The following RHOBTB1 variants were observed in gnomAD, a reference collection of about 807,000 sequenced individuals.
RHOBTB1 encodes the protein rho-related BTB domain-containing protein 1.
In RHOBTB1, 40 loss-of-function variants were observed where a neutral mutation model predicts 71.6. That is an observed-to-expected ratio of 0.56 (90% confidence interval 0.43 to 0.73). The LOEUF is 0.73. Among genes scored for constraint, RHOBTB1 ranks in the 30% least tolerant of loss-of-function variants. RHOBTB1 has a pLI of 0.00. For synonymous variants in RHOBTB1, 319 were observed against 334.9 expected (o/e 0.95, Z 0.52); for missense variants, 797 against 894.0 (o/e 0.89, Z 1.38).
intron 4 of RHOBTB1, 121 bp downstream of exon 4, chr10:60,910,766 T>G: frequency 1.4e-6 from 1 of 707,648 alleles, no homozygotes. Context: ...TTAGACACAG[T>G]GCAGAACCCA....
the RHOBTB1 span, among the ~76,000 whole-genome samples, chr10:60,862,933 T>C: frequency 1.3e-5 from 2 of 149,158 alleles, no homozygotes; most frequent in East Asian, 4.1e-4. Context: ...TCTTTCTTCT[T>C]TTGTCATATG....
At chr10:60,878,646 A>G (rs1003487525) in intron 7 of RHOBTB1, among the ~76,000 whole-genome samples, 3 of 152,278 alleles carry the variant, frequency 2.0e-5, no homozygotes, top group Non-Finnish European at 4.4e-5. Flanking sequence ...ATCAGTTATC[A>G]GTAGATTCGG....
chr10:60,990,710 T>A (rs573952927), intron 1 of RHOBTB1, among the ~76,000 whole-genome samples: 131 of 152,332 alleles, frequency 8.6e-4, no homozygotes, highest in South Asian at 2.5e-3. Flanking sequence ...CATCTTTCAC[T>A]ACTGGGCCAT....
At chr10:60,911,024 G>T in intron 3 of RHOBTB1, 34 bp from the exon 4 acceptor site, 1 of 1,573,288 alleles carries the variant, frequency 6.4e-7, no homozygotes, top group Non-Finnish European at 8.7e-7. Flanking sequence ...TGTGCTCGGT[G>T]TCAGTCAGAA....
At chr10:60,862,724 T>G in the RHOBTB1 span, among the ~76,000 whole-genome samples, 1 of 142,492 alleles carries the variant, frequency 7.0e-6, no homozygotes, top group Admixed American at 6.9e-5. Flanking sequence ...CTTTCTTTCT[T>G]TCCTATTTCT....
chr10:60,957,081 C>A (rs10821863), intron 2 of RHOBTB1, among the ~76,000 whole-genome samples: 70,570 of 152,016 alleles, frequency 0.46, 16,951 homozygotes, highest in East Asian at 0.73. Flanking sequence ...ATATATGGAG[C>A]TGTCCTCTCC....
chr10:60,948,815 T>A (rs764106323), upstream of RHOBTB1, among the ~76,000 whole-genome samples: 6 of 152,248 alleles, frequency 3.9e-5, no homozygotes, highest in Admixed American at 1.3e-4. Flanking sequence ...ACTTTCTGGC[T>A]TCCTAAAGAG....
intron 4 of RHOBTB1, among the ~76,000 whole-genome samples, chr10:60,899,253 C>T (rs934443015): frequency 3.9e-5 from 6 of 152,150 alleles, no homozygotes; most frequent in Non-Finnish European, 5.9e-5. Flanking sequence ...TCCTGGTCAA[C>T]GAATGCAGGA....
chr10:60,901,663 A>G (rs113203307), intron 4 of RHOBTB1, among the ~76,000 whole-genome samples: 2,224 of 152,350 alleles, frequency 0.015, 57 homozygotes, highest in African/African-American at 0.051. Context: ...AAGTTCCAGT[A>G]TAAACACATC....
intron 1 of RHOBTB1, among the ~76,000 whole-genome samples, chr10:60,987,748 C>T (rs2086713653): frequency 6.6e-6 from 1 of 152,014 alleles, no homozygotes; most frequent in Admixed American, 6.6e-5. Context: ...TTCAAGTACG[C>T]TTTCCAAGAT....
At chr10:60,956,489 A>G (rs1164201294) in intron 2 of RHOBTB1, among the ~76,000 whole-genome samples, 1 of 152,178 alleles carries the variant, frequency 6.6e-6, no homozygotes, top group Non-Finnish European at 1.5e-5. Flanking sequence ...AGGTTACTAT[A>G]ACTTTTTTAT....
At position 60,888,539 on chromosome 10, in the gene RHOBTB1, C is replaced by T. The variant is rs778219030; in HGVS notation, c.1129G>A (p.Gly377Arg). The stretch of plus-strand genomic sequence containing the variant: ...ATTTCCCTGTGCATGCCAATGAACC[C>T]CTTACTCCATCCGGTCAAAGTCTGT... ...ETQTLTGWSK[G>R]FIGMHREMQV... Residue 377 changes from glycine to arginine, a missense_variant, in exon 6 of 11, where the codon GGG becomes AGG. By Grantham distance (125) the Gly-to-Arg change is moderately radical. Transcript: ENST00000337910. 2 of 1,614,142 alleles carry T rather than the reference C, an allele frequency of 1.2e-6. No homozygotes were observed. Among genetic ancestry groups the T allele is most frequent in the East Asian group, 4.5e-5 (2 of 44,870 alleles).
At chr10:60,990,069 G>A (rs2086806224) in intron 1 of RHOBTB1, among the ~76,000 whole-genome samples, 2 of 141,168 alleles carry the variant, frequency 1.4e-5, no homozygotes, top group Admixed American at 7.7e-5. Context: ...TGCAAGCTCC[G>A]CCTCCTGAGT....
chr10:60,911,093 T>A, intron 3 of RHOBTB1, 103 bp from the exon 4 acceptor site: 1 of 890,300 alleles, frequency 1.1e-6, no homozygotes, highest in South Asian at 1.5e-5. Context: ...TCACTTGCAT[T>A]AAGTTTCCTT....
At chr10:61,000,890 T>C (rs1250431543) in intron 1 of RHOBTB1, among the ~76,000 whole-genome samples, 1 of 152,054 alleles carries the variant, frequency 6.6e-6, no homozygotes, top group Admixed American at 6.5e-5. Flanking sequence ...GAAAAATCAA[T>C]CCCGCATCAC....
chr10:60,971,521 T>C (rs2086158381), intron 2 of RHOBTB1, among the ~76,000 whole-genome samples: 1 of 152,132 alleles, frequency 6.6e-6, no homozygotes, highest in African/African-American at 2.4e-5. Flanking sequence ...GACCCATTCC[T>C]TACACCTTAT....
intron 4 of RHOBTB1, among the ~76,000 whole-genome samples, chr10:60,899,225 T>A (rs1306569217): frequency 1.3e-5 from 2 of 152,174 alleles, no homozygotes; most frequent in East Asian, 3.9e-4. Context: ...AGAAACAGCT[T>A]AAACAGTCCT....
At chr10:60,947,666 T>G (rs2134350874), upstream of RHOBTB1, among the ~76,000 whole-genome samples, 1 of 152,356 alleles carries the variant, frequency 6.6e-6, no homozygotes, top group African/African-American at 2.4e-5. Flanking sequence ...GTTCATTCCT[T>G]ATTATTGCTG....
intron 2 of RHOBTB1, among the ~76,000 whole-genome samples, chr10:60,970,725 T>A (rs933685963): frequency 1.3e-5 from 2 of 152,108 alleles, no homozygotes; most frequent in African/African-American, 4.8e-5. Context: ...TAGCTTTTTT[T>A]TTCTGCTTAC....
Sources: allele counts gnomAD v4.1 joint callset (sites outside exome capture counted in the v4.1 genomes callset), GRCh38; gene constraint gnomAD v4.1.1; transcripts MANE v1.5; gene names NCBI Gene and HGNC (gene_info 2026-07-23, HGNC 2026-07-21).